CSNK2A2: variants seen among roughly 807,000 people sequenced by gnomAD.
CSNK2A2 encodes the protein casein kinase II subunit alpha'.
CSNK2A2 carries 8 observed loss-of-function variants against 54.0 expected under a neutral mutation model. The observed-to-expected ratio is 0.15, with a 90% confidence interval of 0.09 to 0.27. CSNK2A2 has a LOEUF of 0.27. CSNK2A2 is among the 10% of genes least tolerant of loss of function. The pLI, the probability that CSNK2A2 is intolerant of heterozygous loss-of-function variation, is 1.00. For missense variants in CSNK2A2, 242 were observed against 439.4 expected, an observed-to-expected ratio of 0.55 and a Z score of 4.02; for synonymous variants, 141 against 153.9, an observed-to-expected ratio of 0.92 and a Z score of 0.62.
chr16:58,169,009 C>T (rs1961655612), intron 5 of CSNK2A2, among the ~76,000 whole-genome samples: 2 of 151,896 alleles, frequency 1.3e-5, no homozygotes, highest in African/African-American at 4.8e-5. Flanking sequence ...TCACTGCAAG[C>T]TCTGCCTCCC....
chr16:58,183,816 T>C (rs1962124695), intron 4 of CSNK2A2, among the ~76,000 whole-genome samples: 1 of 152,192 alleles, frequency 6.6e-6, no homozygotes, highest in Admixed American at 6.5e-5. Flanking sequence ...TTTTTCTGAA[T>C]CATTTCTTTG....
intron 11 of CSNK2A2, chr16:58,159,811 T>G (rs1407322914): frequency 6.6e-6 from 1 of 152,206 alleles, no homozygotes; most frequent in Non-Finnish European, 1.5e-5. Context: ...AGTTTTCCAC[T>G]AGTTGTCAAG....
At chr16:58,174,361 C>T (rs2142424304) in intron 5 of CSNK2A2, 90 bp downstream of exon 5, 1 of 890,250 alleles carries the variant, frequency 1.1e-6, no homozygotes, top group Admixed American at 2.8e-5. Flanking sequence ...TATCAAGAAA[C>T]ATTCTGCTTA....
At chr16:58,185,714 A>G (rs888480408) in intron 3 of CSNK2A2, among the ~76,000 whole-genome samples, 3 of 152,220 alleles carry the variant, frequency 2.0e-5, no homozygotes, top group Non-Finnish European at 1.5e-5. Context: ...CTGGCATACA[A>G]CCATCCCTTC....
chr16:58,168,101 TC>T (rs1294166862), intron 6 of CSNK2A2, among the ~76,000 whole-genome samples: 2 of 152,132 alleles, frequency 1.3e-5, no homozygotes, highest in African/African-American at 2.4e-5. Flanking sequence ...TAACACATTC[TC>T]CCATCATTCA....
chr16:58,172,994 C>T (rs886646584), intron 5 of CSNK2A2, among the ~76,000 whole-genome samples: 7 of 152,116 alleles, frequency 4.6e-5, no homozygotes, highest in Admixed American at 2.0e-4. Flanking sequence ...TTAAATAACA[C>T]AAAATCTCAA....
Position 58,170,656 on chromosome 16 carries a change from T to C in CSNK2A2, c.430-1963A>G, listed in dbSNP as rs978146619. Among the ~76,000 whole-genome samples the C allele has an allele frequency of 3.9e-5, 6 of 152,164 alleles. No individual in the cohort carries two copies. The East Asian group carries it at 1.2e-3, about 29-fold the overall frequency. ...TCAACACCTGTCATTGTTCAACTTT[T>C]TGATTATAGCTTTGCTGGTGGGTGT... On this transcript the variant is annotated intron_variant, in intron 5 of 11. Transcript: ENST00000262506.
chr16:58,160,185 T>A (rs978666027), intron 11 of CSNK2A2: 1 of 152,196 alleles, frequency 6.6e-6, no homozygotes, highest in Non-Finnish European at 1.5e-5. Context: ...AGGCAGGATG[T>A]TACTCAGTCT....
At chr16:58,171,958 C>CATATATATATATATATATATATATATAT (rs71155247) in intron 5 of CSNK2A2, among the ~76,000 whole-genome samples, 2 of 31,332 alleles carry the variant, frequency 6.4e-5, no homozygotes, top group East Asian at 7.3e-4. Flanking sequence ...CTGGAGCATG[C>CATATATATATATATATATATATATATAT]ATATATATAT....
intron 4 of CSNK2A2, among the ~76,000 whole-genome samples, chr16:58,176,038 C>T (rs933317468): frequency 5.9e-5 from 9 of 152,314 alleles, no homozygotes; most frequent in African/African-American, 2.2e-4. Flanking sequence ...GACTTGGCTG[C>T]ACACTGACAG....
At chr16:58,183,082 C>A (rs574538333) in intron 4 of CSNK2A2, among the ~76,000 whole-genome samples, 1 of 152,150 alleles carries the variant, frequency 6.6e-6, no homozygotes, top group South Asian at 2.1e-4. Context: ...TTAGGCCAGG[C>A]GCGACAGTGG....
rs1327098803 is a variant in CSNK2A2 at position 58,159,377 on chromosome 16, G to A, written c.*18-1024C>T. On this transcript the variant is annotated intron_variant, in intron 11 of 11. Transcript: ENST00000262506. ...CAAGAGGCAGGTGTCTGAGTGGCGC[G>A]ACTCAGAAGCAAGTACATAAAAACG... Among the ~76,000 whole-genome samples the A allele has an allele frequency of 3.3e-5, 5 of 152,284 alleles. 1 individual carries two copies. The highest frequency in any genetic ancestry group is 4.1e-4 in the South Asian group (2 of 4,820).
chr16:58,167,902 A>C (rs1394739374), intron 6 of CSNK2A2, 107 bp from the exon 7 acceptor site: 2 of 845,286 alleles, frequency 2.4e-6, no homozygotes, highest in African/African-American at 3.4e-5. Flanking sequence ...CACACAAAAA[A>C]TGTGAGCAGG....
chr16:58,170,294 T>C (rs982024630), intron 5 of CSNK2A2, among the ~76,000 whole-genome samples: 4 of 152,040 alleles, frequency 2.6e-5, no homozygotes, highest in African/African-American at 9.7e-5. Context: ...TGACCTGCTA[T>C]TTGCTGGTAT....
intron 3 of CSNK2A2, among the ~76,000 whole-genome samples, chr16:58,185,949 G>C (rs1962182740): frequency 6.6e-6 from 1 of 152,250 alleles, no homozygotes; most frequent in African/African-American, 2.4e-5. Flanking sequence ...CTCAGTGCAT[G>C]TTAGCTACTA....
intron 4 of CSNK2A2, among the ~76,000 whole-genome samples, chr16:58,181,490 C>G (rs1398155099): frequency 6.6e-6 from 1 of 152,030 alleles, no homozygotes; most frequent in Non-Finnish European, 1.5e-5. Context: ...GAGCAATGAG[C>G]AGACATTCAA....
At chr16:58,183,197 TA>T (rs899257534) in intron 4 of CSNK2A2, among the ~76,000 whole-genome samples, 1 of 144,900 alleles carries the variant, frequency 6.9e-6, no homozygotes, top group African/African-American at 2.6e-5. Flanking sequence ...CCGTCTCTGC[TA>T]AAAAAAATTT....
At chr16:58,184,725 T>C (rs1597121512) in intron 3 of CSNK2A2, among the ~76,000 whole-genome samples, 1 of 152,368 alleles carries the variant, frequency 6.6e-6, no homozygotes, top group East Asian at 1.9e-4. Context: ...ATTTACACCC[T>C]GCAGTGTTCC....
At position 58,175,478 on chromosome 16, in the gene CSNK2A2, T is replaced by G. The variant is rs370422820; in HGVS notation, c.370-968A>C. Among the ~76,000 whole-genome samples the G allele has an allele frequency of 4.6e-5, 7 of 152,330 alleles. No individual in the cohort carries two copies. In the East Asian group the frequency reaches 9.6e-4, roughly 21 times the overall value. ...TCTCTCCAGGGAACACAGAACAGTGTATATAATGTGTCTCTGTAATAAGGG... is the reference window on the plus strand; with the variant it reads ...TCTCTCCAGGGAACACAGAACAGTGGATATAATGTGTCTCTGTAATAAGGG... On this transcript the variant is annotated intron_variant, in intron 4 of 11. Transcript: ENST00000262506.
Sources: gnomAD v4.1 joint callset for allele counts (sites outside exome capture counted in the v4.1 genomes callset) on GRCh38, gnomAD v4.1.1 for gene constraint, MANE v1.5 for transcripts, NCBI Gene and HGNC (gene_info 2026-07-23, HGNC 2026-07-21) for gene names.